Variants in PRPF6 observed in about 807,000 individuals in gnomAD.
PRPF6 encodes pre-mRNA processing factor 6.
In PRPF6, 42 loss-of-function variants were observed where a neutral mutation model predicts 118.3. The observed-to-expected ratio is 0.35, with a 90% CI of 0.28 to 0.46. The LOEUF is 0.46. PRPF6 is among the 20% of genes least tolerant of loss of function. PRPF6 has a pLI of 1.00. For synonymous variants in PRPF6, 481 were observed against 485.1 expected, an observed-to-expected ratio of 0.99 and a Z score of 0.11; for missense variants, 662 against 1,255.7, an observed-to-expected ratio of 0.53 and a Z score of 7.15.
At chr20:64,016,103 G>A (rs1483575233) in intron 11 of PRPF6, among the ~76,000 whole-genome samples, 1 of 151,996 alleles carries the variant, frequency 6.6e-6, no homozygotes, top group Non-Finnish European at 1.5e-5. Flanking sequence ...GAGTGACAGG[G>A]AGAGACCTTG....
intron 9 of PRPF6, among the ~76,000 whole-genome samples, chr20:64,006,110 A>G (rs901449188): frequency 4.6e-5 from 7 of 152,014 alleles, no homozygotes; most frequent in African/African-American, 1.4e-4. Context: ...GTTCCCATTA[A>G]CTTTTACTGG....
intron 8 of PRPF6, among the ~76,000 whole-genome samples, chr20:64,000,561 T>C (rs2059162116): frequency 6.6e-6 from 1 of 150,680 alleles, no homozygotes; most frequent in Non-Finnish European, 1.5e-5. Flanking sequence ...TTTCACAAAG[T>C]GGTGTTTCAT....
chr20:63,995,035 C>T lies in PRPF6; in HGVS notation c.558C>T (p.Phe186=), dbSNP rs749380447. ...AGCTGACCCCTGTTCCTGACAGTTT[C>T]TTTGCCAAACATTTACAGACCGGAG... ...YEKLTPVPDS[F]FAKHLQTGEN... Residue 186 remains phenylalanine, a synonymous_variant, in exon 5 of 21, where the codon TTC becomes TTT. Coordinates refer to ENST00000266079, the MANE Select transcript of PRPF6 (RefSeq NM_012469.4). 2.9e-5 allele frequency: 47 copies of T among 1,614,104 alleles called. No homozygotes were observed. Among genetic ancestry groups the T allele is most frequent in the Non-Finnish European group, 3.5e-5 (41 of 1,180,042 alleles).
chr20:64,013,238 TTGTC>T (rs1434203197), intron 11 of PRPF6, among the ~76,000 whole-genome samples: 1 of 152,194 alleles, frequency 6.6e-6, no homozygotes. Flanking sequence ...TCTTTTATCT[TTGTC>T]TGTAGACTTA....
At chr20:63,987,205 A>T (rs918333026) in intron 3 of PRPF6, among the ~76,000 whole-genome samples, 3 of 149,996 alleles carry the variant, frequency 2.0e-5, no homozygotes. Flanking sequence ...GGGGAGCATA[A>T]CACAATAAAA....
At chr20:64,007,088 A>C (rs2123042422) in intron 9 of PRPF6, among the ~76,000 whole-genome samples, 1 of 152,352 alleles carries the variant, frequency 6.6e-6, no homozygotes, top group Non-Finnish European at 1.5e-5. Flanking sequence ...CCACCAGTGC[A>C]GGAGGCATCT....
At chr20:64,023,694 C>A (rs566381624) in intron 13 of PRPF6, among the ~76,000 whole-genome samples, 2 of 152,306 alleles carry the variant, frequency 1.3e-5, no homozygotes, top group East Asian at 3.9e-4. Flanking sequence ...CCTTTGGGGA[C>A]GTTTTGAAAT....
chr20:64,024,628 G>A lies in PRPF6; in HGVS notation c.1843G>A (p.Ala615Thr). The A allele has an allele frequency of 1.2e-6, 2 of 1,613,796 alleles. No homozygotes were observed. Among genetic ancestry groups the A allele is most frequent in the Non-Finnish European group, 8.5e-7 (1 of 1,180,014 alleles). ...PKAEVLWLMG[A>T]KSKWLAGDVP... ...AGCAGAGGTGCTGTGGCTCATGGGC[G>A]CCAAGTCCAAGTGGCTGGCAGGGGA... Residue 615 changes from alanine (A) to threonine (T), a missense_variant, in exon 14 of 21, where the codon GCC becomes ACC. Around this residue, in one of 10 missense-constraint regions of PRPF6, gnomAD observed 15 missense variants for 66.5 expected, o/e 0.23. Transcript: ENST00000266079.
intron 20 of PRPF6, among the ~76,000 whole-genome samples, chr20:64,032,579 G>A (rs534125437): frequency 6.6e-6 from 1 of 152,378 alleles, no homozygotes; most frequent in East Asian, 1.9e-4. Context: ...GCACTTGTGT[G>A]AGGCACAGAC....
chr20:64,013,964 G>C (rs2059226632), intron 11 of PRPF6, among the ~76,000 whole-genome samples: 1 of 151,554 alleles, frequency 6.6e-6, no homozygotes, highest in Admixed American at 6.6e-5. Context: ...AGACAGGGTG[G>C]GTCTCTGTCT....
At chr20:63,990,134 A>G (rs1201469781) in intron 3 of PRPF6, among the ~76,000 whole-genome samples, 1 of 152,142 alleles carries the variant, frequency 6.6e-6, no homozygotes, top group Non-Finnish European at 1.5e-5. Context: ...AATTACAGGT[A>G]TGAGCCACCG....
In PRPF6 at chr20:64,032,489, T is replaced by G. The variant is rs113044657; in HGVS notation, c.2674-352T>G. Among the ~76,000 whole-genome samples the G allele has an allele frequency of 4.5e-4, 68 of 152,122 alleles. 1 individual carries two copies. The highest frequency in any genetic ancestry group is 6.8e-3 in the Middle Eastern group (2 of 294). On this transcript the variant is annotated intron_variant, in intron 20 of 20. Coordinates refer to ENST00000266079, the MANE Select transcript of PRPF6 (RefSeq NM_012469.4). Reference sequence around the variant, plus strand: ...GTTGTCTGAGCTGTGCTGGAGGCAGTCAGGCTGTCCTGGTCCTCCCTGGAA... The same window carrying G: ...GTTGTCTGAGCTGTGCTGGAGGCAGGCAGGCTGTCCTGGTCCTCCCTGGAA...
chr20:63,994,625 G>C (rs1160662354), intron 4 of PRPF6, among the ~76,000 whole-genome samples: 1 of 152,118 alleles, frequency 6.6e-6, no homozygotes, highest in Non-Finnish European at 1.5e-5. Flanking sequence ...TAAAAACTTA[G>C]CCAGGCATGG....
At chr20:64,010,132 C>T in intron 9 of PRPF6, 68 bp from the exon 10 acceptor site, 1 of 1,347,462 alleles carries the variant, frequency 7.4e-7, no homozygotes, top group Non-Finnish European at 1.1e-6. Flanking sequence ...CAGCAGCATG[C>T]TCACCACATG....
chr20:63,981,803 G>A (rs1397742184), intron 1 of PRPF6, among the ~76,000 whole-genome samples: 2 of 152,016 alleles, frequency 1.3e-5, no homozygotes, highest in East Asian at 3.8e-4. Flanking sequence ...TTTCTTGGTG[G>A]TGGTATTATA....
At chr20:64,014,955 C>CT in intron 11 of PRPF6, among the ~76,000 whole-genome samples, 1 of 152,306 alleles carries the variant, frequency 6.6e-6, no homozygotes, top group Non-Finnish European at 1.5e-5. Flanking sequence ...TCTTTTGTGA[C>CT]TGGCCTTAAC....
chr20:64,027,239 T>G lies in PRPF6; in HGVS notation c.2205+81T>G. 6.5e-7 allele frequency: 1 copy of G among 1,545,962 alleles called. No homozygotes were observed. Among genetic ancestry groups the G allele is most frequent in the Non-Finnish European group, 8.8e-7 (1 of 1,132,600 alleles). ...GCCCCCTGGTGCAGGGTCATTGCCCTTCGCCTCTGAGGAGATGTGGAGGGC... is the reference window on the plus strand; with the variant it reads ...GCCCCCTGGTGCAGGGTCATTGCCCGTCGCCTCTGAGGAGATGTGGAGGGC... On this transcript the variant is annotated intron_variant, in intron 16 of 20. Coordinates refer to ENST00000266079, the MANE Select transcript of PRPF6 (RefSeq NM_012469.4). This position sits in a 1 kb window ranked among gnomAD's most constrained non-coding sequence, Gnocchi z 6.5.
intron 3 of PRPF6, 110 bp from the exon 4 acceptor site, chr20:63,993,297 C>A (rs2059127230): frequency 1.8e-4 from 92 of 511,760 alleles, no homozygotes; most frequent in Middle Eastern, 4.9e-4. Flanking sequence ...TTTGATTTAG[C>A]TACTAAGAGT....
Position 64,032,999 on chromosome 20 carries a change from C to T in PRPF6, c.*6C>T, listed in dbSNP as rs909042694. On this transcript the variant is annotated 3_prime_UTR_variant, in exon 21 of 21. Transcript: ENST00000266079. ...GCATCAAGAACACCTTCTGATTGAG[C>T]GGTTGCCATGGCCGGTCTCCGTGGG... 6.2e-6 allele frequency: 10 copies of T among 1,612,962 alleles called. No individual in the cohort carries two copies. Among genetic ancestry groups the T allele is most frequent in the Non-Finnish European group, 8.5e-6 (10 of 1,179,998 alleles).
Sources: allele counts gnomAD v4.1 joint callset (sites outside exome capture counted in the v4.1 genomes callset), GRCh38; gene constraint gnomAD v4.1.1; regional missense constraint gnomAD v4.1.1; non-coding constraint Gnocchi (gnomAD v3.1); transcripts MANE v1.5; gene names NCBI Gene and HGNC (gene_info 2026-07-23, HGNC 2026-07-21).